GRIK4: variants seen among roughly 807,000 people sequenced by gnomAD.
GRIK4 encodes glutamate receptor ionotropic, kainate 4.
GRIK4 carries 40 observed loss-of-function variants against 104.9 expected under a neutral mutation model. The ratio of observed to expected loss-of-function variants is 0.38; its 90% CI spans 0.30 to 0.50. The LOEUF (loss-of-function observed/expected upper bound fraction) is 0.50, where lower values mean the gene tolerates loss of function less well. Ranked by LOEUF, GRIK4 falls within the 20% of genes least tolerant of loss-of-function variation. The probability of loss-of-function intolerance (pLI) is 0.93; values close to 1 mark genes in which losing one functional copy is unlikely to be tolerated. For missense variants in GRIK4, 1,047 were observed against 1,308.1 expected (o/e 0.80, Z 3.08); for synonymous variants, 485 against 524.9 (o/e 0.92, Z 1.04).
chr11:120,670,769 A>G (rs1322826662), intron 3 of GRIK4, among the ~76,000 whole-genome samples: 1 of 151,986 alleles, frequency 6.6e-6, no homozygotes, highest in African/African-American at 2.4e-5. Context: ...GGTTTGTTAC[A>G]TAGATATACA....
chr11:120,646,484 G>T (rs781296532), intron 1 of GRIK4, among the ~76,000 whole-genome samples: 3 of 152,152 alleles, frequency 2.0e-5, no homozygotes, highest in South Asian at 2.1e-4. Context: ...TGGAGGGAGT[G>T]GGGGGACATC....
intron 3 of GRIK4, among the ~76,000 whole-genome samples, chr11:120,794,449 ACCCC>A (rs904544824): frequency 1.3e-5 from 2 of 151,986 alleles, no homozygotes; most frequent in Non-Finnish European, 2.9e-5. Context: ...TTGAAGCCCC[ACCCC>A]CTAAGACATC....
intron 1 of GRIK4, among the ~76,000 whole-genome samples, chr11:120,645,585 G>C (rs973321118): frequency 1.3e-5 from 2 of 152,136 alleles, no homozygotes; most frequent in African/African-American, 4.8e-5. Flanking sequence ...TTCAATGCCA[G>C]AAATCCTTGG....
At chr11:120,726,116 A>T (rs1951023710) in intron 3 of GRIK4, among the ~76,000 whole-genome samples, 1 of 152,216 alleles carries the variant, frequency 6.6e-6, no homozygotes, top group South Asian at 2.1e-4. Flanking sequence ...AAGTGCCCTG[A>T]GATGGGAAGC....
At chr11:120,685,659 A>G (rs1022272341) in intron 3 of GRIK4, among the ~76,000 whole-genome samples, 5 of 152,108 alleles carry the variant, frequency 3.3e-5, no homozygotes, top group African/African-American at 1.2e-4. Context: ...TTTTTTGAAG[A>G]CCACCAACCC....
intron 1 of GRIK4, among the ~76,000 whole-genome samples, chr11:120,646,389 C>T (rs931265356): frequency 6.6e-6 from 1 of 152,230 alleles, no homozygotes; most frequent in Non-Finnish European, 1.5e-5. Flanking sequence ...GCTCTGGGAG[C>T]TCTGTTTAAA....
At chr11:120,742,964 G>A (rs905850871) in intron 3 of GRIK4, among the ~76,000 whole-genome samples, 2 of 152,226 alleles carry the variant, frequency 1.3e-5, no homozygotes, top group African/African-American at 2.4e-5. Flanking sequence ...TGGGCATGGT[G>A]GCTCACACCT....
At chr11:120,948,320 T>C (rs919118374) in intron 14 of GRIK4, among the ~76,000 whole-genome samples, 3 of 152,206 alleles carry the variant, frequency 2.0e-5, no homozygotes, top group Non-Finnish European at 4.4e-5. Context: ...TGTCCTTGGC[T>C]ATGCTGGGAG....
At chr11:120,637,303 A>G (rs1949410737) in intron 1 of GRIK4, among the ~76,000 whole-genome samples, 1 of 152,156 alleles carries the variant, frequency 6.6e-6, no homozygotes, top group East Asian at 1.9e-4. Context: ...AAGCAGGAAC[A>G]TGAGCCTGTT....
chr11:120,846,535 A>G (rs555975824), intron 8 of GRIK4, among the ~76,000 whole-genome samples: 44 of 152,308 alleles, frequency 2.9e-4, no homozygotes, highest in African/African-American at 9.9e-4. Context: ...GGTAAGTTAT[A>G]GTTCCTTTTG....
intron 1 of GRIK4, among the ~76,000 whole-genome samples, chr11:120,558,304 C>T (rs1948206931): frequency 6.6e-6 from 1 of 152,064 alleles, no homozygotes; most frequent in African/African-American, 2.4e-5. Flanking sequence ...TTAAAACCCT[C>T]AGGCTGTGCA....
chr11:120,846,130 A>G (rs1175382489), intron 8 of GRIK4, among the ~76,000 whole-genome samples: 1 of 152,244 alleles, frequency 6.6e-6, no homozygotes, highest in African/African-American at 2.4e-5. Flanking sequence ...GAGAATCACA[A>G]GGGGATTCAG....
At chr11:120,750,548 T>C (rs1951532370) in intron 3 of GRIK4, among the ~76,000 whole-genome samples, 1 of 151,928 alleles carries the variant, frequency 6.6e-6, no homozygotes, top group African/African-American at 2.4e-5. Flanking sequence ...TTTGTATTTT[T>C]AGTAGAGAAG....
chr11:120,587,349 A>G (rs1226700200), intron 1 of GRIK4, among the ~76,000 whole-genome samples: 7 of 152,128 alleles, frequency 4.6e-5, no homozygotes, highest in Non-Finnish European at 2.9e-5. Flanking sequence ...ATGGAAAAAA[A>G]TCTTATAATG....
chr11:120,549,101 GT>G lies in GRIK4; in HGVS notation c.-159+37225del, dbSNP rs762900665. 3.4e-4 allele frequency among the ~76,000 whole-genome samples: 50 copies of G among 147,092 alleles called. No individual in the cohort carries two copies. Among genetic ancestry groups the G allele is most frequent in the Middle Eastern group, 3.4e-3 (1 of 290 alleles). ...TCTGAAGGATGCCTGTTTCCTGGCT[GT>G]TTTTTTTTTTCACTGAGACAGAGTC... On this transcript the variant is annotated intron_variant, in intron 1 of 20. Coordinates refer to ENST00000527524, the MANE Select transcript of GRIK4 (RefSeq NM_014619.5). This position sits in a 1 kb window ranked among gnomAD's most constrained non-coding sequence, Gnocchi z 4.7.
intron 1 of GRIK4, among the ~76,000 whole-genome samples, chr11:120,651,000 T>G (rs1304950320): frequency 6.6e-6 from 1 of 152,196 alleles, no homozygotes; most frequent in African/African-American, 2.4e-5. Context: ...AGCCCTCTAC[T>G]TCCAATCTGC....
At chr11:120,638,756 C>T (rs573124567) in intron 1 of GRIK4, among the ~76,000 whole-genome samples, 22 of 152,118 alleles carry the variant, frequency 1.4e-4, no homozygotes, top group South Asian at 4.2e-4. Context: ...GGATTACAGG[C>T]GTGAGCCACC....
intron 1 of GRIK4, among the ~76,000 whole-genome samples, chr11:120,641,185 C>G (rs976460758): frequency 1.3e-5 from 2 of 152,140 alleles, no homozygotes; most frequent in Non-Finnish European, 2.9e-5. Context: ...TAAGAAGTGT[C>G]TGTATTGTAT....
intron 14 of GRIK4, among the ~76,000 whole-genome samples, chr11:120,947,259 G>A (rs976294155): frequency 2.6e-5 from 4 of 152,038 alleles, no homozygotes; most frequent in Admixed American, 6.6e-5. Flanking sequence ...AAAATTAGCC[G>A]GGCATGGTGG....
Sources: allele counts gnomAD v4.1 joint callset (sites outside exome capture counted in the v4.1 genomes callset), GRCh38; gene constraint gnomAD v4.1.1; non-coding constraint Gnocchi (gnomAD v3.1); transcripts MANE v1.5; gene names NCBI Gene and HGNC (gene_info 2026-07-23, HGNC 2026-07-21).